The following ABL2 variants were observed in gnomAD, a reference collection of about 807,000 sequenced individuals.
ABL2 encodes the protein ABL proto-oncogene 2, non-receptor tyrosine kinase.
ABL2 carries 49 observed loss-of-function variants against 107.7 expected under a neutral mutation model. That is an observed-to-expected ratio of 0.45 (90% CI 0.36 to 0.58). The LOEUF (loss-of-function observed/expected upper bound fraction) is 0.58, where lower values mean the gene tolerates loss of function less well. ABL2 is among the 20% of genes least tolerant of loss of function. The pLI is 0.00. For missense variants in ABL2, 1,245 were observed against 1,457.0 expected (o/e 0.85, Z 2.37); for synonymous variants, 549 against 548.6 (o/e 1.00, Z -0.01).
intron 1 of ABL2, chr1:179,143,204 T>C (rs1657747890): frequency 1.9e-6 from 2 of 1,069,184 alleles, no homozygotes; most frequent in Admixed American, 3.6e-5. Flanking sequence ...ATTCCCAAAG[T>C]GGGTGGAGAG....
chr1:179,197,857 G>GA (rs1177418489), intron 1 of ABL2, among the ~76,000 whole-genome samples: 1 of 123,300 alleles, frequency 8.1e-6, no homozygotes, highest in Admixed American at 9.3e-5. Flanking sequence ...TGACAAGAAC[G>GA]AAACTGTCTC....
At chr1:179,194,780 C>T (rs138194828) in intron 1 of ABL2, among the ~76,000 whole-genome samples, 15 of 151,214 alleles carry the variant, frequency 9.9e-5, no homozygotes, top group African/African-American at 3.1e-4. Context: ...AAATATGTTG[C>T]GTTTAATATG....
intron 3 of ABL2, among the ~76,000 whole-genome samples, chr1:179,130,723 A>ATTTTT (rs1006826497): frequency 2.6e-5 from 3 of 114,568 alleles, no homozygotes; most frequent in African/African-American, 1.2e-4. Context: ...ATCATTATTG[A>ATTTTT]TTTTGTGTGT....
chr1:179,198,553 C>CCCA (rs1161620401), intron 1 of ABL2, among the ~76,000 whole-genome samples: 4 of 151,362 alleles, frequency 2.6e-5, no homozygotes, highest in African/African-American at 9.7e-5. Context: ...AGTAGCCAGG[C>CCCA]GTGGTGTCAG....
intron 1 of ABL2, among the ~76,000 whole-genome samples, chr1:179,193,207 C>T (rs1661115129): frequency 6.6e-6 from 1 of 152,014 alleles, no homozygotes; most frequent in Non-Finnish European, 1.5e-5. Context: ...ATCTGTTTTT[C>T]TAAAGTGCCC....
rs890993277 is a variant in ABL2 at position 179,100,526 on chromosome 1, C to T, written c.*7192G>A. ...AACTAAAGTTTATGGTGCCTAATTCCGAAGCAAATTTAAGCAAGTTCTGAC... is the reference window on the plus strand; with the variant it reads ...AACTAAAGTTTATGGTGCCTAATTCTGAAGCAAATTTAAGCAAGTTCTGAC... On this transcript the variant is annotated 3_prime_UTR_variant, in exon 12 of 12. Coordinates refer to ENST00000502732, the MANE Select transcript of ABL2 (RefSeq NM_007314.4). 1.8e-5 allele frequency: 4 copies of T among 228,154 alleles called. No homozygotes were observed. Among genetic ancestry groups the T allele is most frequent in the Non-Finnish European group, 2.6e-5 (3 of 114,966 alleles). 14.1% of individuals were successfully genotyped at this position (228,154 alleles called of 1,614,324 possible). A position where few individuals can be genotyped will look rare whatever the true frequency, so the allele number is the denominator to read the frequency against.
chr1:179,155,505 G>A (rs915048219), intron 1 of ABL2, among the ~76,000 whole-genome samples: 10 of 152,020 alleles, frequency 6.6e-5, no homozygotes, highest in Admixed American at 3.3e-4. Context: ...CGAGGCAGGC[G>A]GACTACCTGA....
chr1:179,215,313 T>A (rs997729547), intron 1 of ABL2, among the ~76,000 whole-genome samples: 2 of 152,108 alleles, frequency 1.3e-5, no homozygotes, highest in Non-Finnish European at 2.9e-5. Flanking sequence ...CCACAAACAG[T>A]AGTTTCTTCT....
chr1:179,135,418 C>G (rs1572674345), intron 1 of ABL2, among the ~76,000 whole-genome samples: 1 of 151,818 alleles, frequency 6.6e-6, no homozygotes, highest in South Asian at 2.1e-4. Context: ...CTCTGCCCGG[C>G]CGCCCCGTCT....
rs1037441844 is a variant in ABL2 at position 179,104,247 on chromosome 1, G to C, written c.*3471C>G. ...ACTATTATTATCCCTGTTTTACAGT[G>C]AGGAAACTGAGGCTCCCAAGGTTAA... is the stretch of plus-strand genomic sequence containing the variant. On this transcript the variant is annotated 3_prime_UTR_variant, in exon 12 of 12. Transcript: ENST00000502732. The C allele has an allele frequency of 9.6e-5, 22 of 229,596 alleles. No homozygotes were observed. Among genetic ancestry groups the C allele is most frequent in the African/African-American group, 4.6e-4 (21 of 45,218 alleles). The allele number at this position is 229,596 out of a possible 1,614,324, so 14.2% of individuals were successfully genotyped here. A position where few individuals can be genotyped will look rare whatever the true frequency, so the allele number is the denominator to read the frequency against.
intron 1 of ABL2, among the ~76,000 whole-genome samples, chr1:179,140,790 T>C (rs1329932557): frequency 6.6e-6 from 1 of 152,152 alleles, no homozygotes; most frequent in African/African-American, 2.4e-5. Context: ...TCTCAGCACT[T>C]TGAGAAGCCA....
chr1:179,200,641 A>G (rs1457532911), intron 1 of ABL2, among the ~76,000 whole-genome samples: 2 of 152,352 alleles, frequency 1.3e-5, no homozygotes, highest in African/African-American at 4.8e-5. Flanking sequence ...TTTTGTATGA[A>G]CATGGAGATT....
At chr1:179,158,653 A>G (rs889292279) in intron 1 of ABL2, among the ~76,000 whole-genome samples, 1 of 152,246 alleles carries the variant, frequency 6.6e-6, no homozygotes, top group Non-Finnish European at 1.5e-5. Flanking sequence ...TGAATTTAAG[A>G]AAACATAAAG....
chr1:179,184,638 AGAT>A (rs768138521), intron 1 of ABL2: 77 of 508,624 alleles, frequency 1.5e-4, no homozygotes, highest in Middle Eastern at 4.8e-4. Flanking sequence ...ATGAGGAAGA[AGAT>A]GATGATGATG....
chr1:179,174,907 A>T lies in ABL2; in HGVS notation c.158-41533T>A, dbSNP rs867044341. On this transcript the variant is annotated intron_variant, in intron 1 of 11. Coordinates refer to ENST00000502732, the MANE Select transcript of ABL2 (RefSeq NM_007314.4). ...AGAGACTCTGTCTCAAAAAAAAAAA[A>T]ATAAAATAAAAAAAATAATAATAAT... 2.6e-3 allele frequency among the ~76,000 whole-genome samples: 293 copies of T among 114,902 alleles called. 7 individuals are homozygous for T. Among genetic ancestry groups the T allele is most frequent in the African/African-American group, 7.4e-3 (251 of 33,726 alleles). The allele number at this position is 114,902 out of a possible 152,430, so 75.4% of individuals were successfully genotyped here. A position where few individuals can be genotyped will look rare whatever the true frequency, so the allele number is the denominator to read the frequency against.
intron 1 of ABL2, among the ~76,000 whole-genome samples, chr1:179,177,681 C>G (rs1425198888): frequency 1.3e-5 from 2 of 152,064 alleles, no homozygotes; most frequent in African/African-American, 4.8e-5. Context: ...GTAAAATCAA[C>G]TTTTAAAATA....
chr1:179,117,822 A>C (rs997572776), intron 7 of ABL2, among the ~76,000 whole-genome samples: 1 of 152,130 alleles, frequency 6.6e-6, no homozygotes, highest in African/African-American at 2.4e-5. Flanking sequence ...AACTATTTTA[A>C]AAATTCAGCC....
In ABL2 at chr1:179,107,744, C is replaced by A; in HGVS notation, c.3523G>T (p.Glu1175Ter). The A allele has an allele frequency of 1.2e-6, 2 of 1,612,870 alleles. No homozygotes were observed. The highest frequency in any genetic ancestry group is 2.2e-5 in the South Asian group (2 of 90,850). Residue 1175 changes from glutamate to a stop codon, truncating the protein, a stop_gained, in exon 12 of 12, where the codon GAA becomes TAA. Coordinates refer to ENST00000502732, the MANE Select transcript of ABL2 (RefSeq NM_007314.4). LOFTEE classifies it high-confidence loss of function. ...TACCTCTGCACCACATCACTGATTT[C>A]CTGTACACATGACAATAAGTTATTA... is the stretch of plus-strand genomic sequence containing the variant. ...VLNNLLSCVQ[E>*]ISDVVQR
At chr1:179,122,811 G>A (rs1006650011) in intron 4 of ABL2, among the ~76,000 whole-genome samples, 8 of 151,816 alleles carry the variant, frequency 5.3e-5, no homozygotes, top group African/African-American at 7.3e-5. Flanking sequence ...GCGCCATCAC[G>A]CCTGGCTAAT....
Sources: allele counts gnomAD v4.1 joint callset (sites outside exome capture counted in the v4.1 genomes callset), GRCh38; gene constraint gnomAD v4.1.1; transcripts MANE v1.5; gene names NCBI Gene and HGNC (gene_info 2026-07-23, HGNC 2026-07-21).